ARID4B: variants seen among roughly 807,000 people sequenced by gnomAD.
ARID4B encodes AT-rich interactive domain-containing protein 4B.
ARID4B carries 26 observed loss-of-function variants against 147.5 expected under a neutral mutation model. The observed-to-expected ratio is 0.18, with a 90% CI of 0.13 to 0.24. The LOEUF (loss-of-function observed/expected upper bound fraction) is 0.24, where lower values mean the gene tolerates loss of function less well. Ranked by LOEUF, ARID4B falls within the 10% of genes least tolerant of loss-of-function variation. ARID4B has a pLI of 1.00. For synonymous variants in ARID4B, 512 were observed against 507.9 expected (o/e 1.01, Z -0.11); for missense variants, 1,179 against 1,511.5 (o/e 0.78, Z 3.65).
chr1:235,188,444 A>G (rs1030734481), intron 19 of ARID4B, among the ~76,000 whole-genome samples: 1 of 152,270 alleles, frequency 6.6e-6, no homozygotes, highest in Non-Finnish European at 1.5e-5. Context: ...GGTGAAGACT[A>G]AAAATTACTT....
At chr1:235,324,947 C>A (rs1164560825) in intron 2 of ARID4B, among the ~76,000 whole-genome samples, 6 of 152,108 alleles carry the variant, frequency 3.9e-5, no homozygotes, top group African/African-American at 1.4e-4. Flanking sequence ...ATTGGGAACA[C>A]ACAGAAAAAG....
At chr1:235,242,746 A>C (rs754812129) in intron 7 of ARID4B, among the ~76,000 whole-genome samples, 5 of 152,178 alleles carry the variant, frequency 3.3e-5, no homozygotes, top group Non-Finnish European at 5.9e-5. Flanking sequence ...TCAAAAAGAA[A>C]AACAAAACAC....
Position 235,229,371 on chromosome 1 carries a change from G to C in ARID4B, c.757C>G (p.Leu253Val). ...ATAGTTCTACTTTTGTGAAATTCAA[G>C]TGCCTGTTCAAAGGCTGGAAACAGA... ...AVLKQAFEQA[L>V]EFHKSRTIPA... is the part of the protein sequence containing the mutation. The change falls in exon 11 of 24, where the codon CTT (leucine) becomes GTT (valine). Residue 253 changes from leucine (L) to valine (V), a missense_variant. Transcript: ENST00000264183. The C allele has an allele frequency of 6.2e-7, 1 of 1,612,964 alleles. No homozygotes were observed. The highest frequency in any genetic ancestry group is 8.5e-7 in the Non-Finnish European group (1 of 1,179,428).
chr1:235,277,788 C>T lies in ARID4B; in HGVS notation c.7-17036G>A, dbSNP rs140824226. Among the ~76,000 whole-genome samples, 1,338 of 152,158 alleles carry T rather than the reference C, an allele frequency of 8.8e-3. 7 individuals carry two copies. Among genetic ancestry groups the T allele is most frequent in the Middle Eastern group, 0.02 (6 of 294 alleles). ...AGATTCTATTAGTTGCTGAGGATATCTATTCCAACTATTCACTTAGGACCA... is the reference window on the plus strand; with the variant it reads ...AGATTCTATTAGTTGCTGAGGATATTTATTCCAACTATTCACTTAGGACCA... On this transcript the variant is annotated intron_variant, in intron 2 of 23. Transcript: ENST00000264183.
chr1:235,234,554 C>G (rs1668443767), intron 8 of ARID4B, 62 bp from the exon 9 acceptor site: 3 of 1,128,576 alleles, frequency 2.7e-6, no homozygotes, highest in Non-Finnish European at 3.9e-6. Flanking sequence ...TAAGTACCCA[C>G]CATTTAAATC....
chr1:235,205,158 T>C (rs183788648), intron 17 of ARID4B, among the ~76,000 whole-genome samples: 1 of 152,272 alleles, frequency 6.6e-6, no homozygotes, highest in East Asian at 1.9e-4. Context: ...TTGTACTCTA[T>C]TTCAATATTC....
intron 2 of ARID4B, among the ~76,000 whole-genome samples, chr1:235,317,240 T>C (rs945404163): frequency 1.3e-5 from 2 of 152,232 alleles, no homozygotes; most frequent in African/African-American, 4.8e-5. Context: ...CAACTCTTCC[T>C]ATTAAATAGA....
At position 235,276,209 on chromosome 1, in the gene ARID4B, AT is replaced by A. The variant is rs1179767508; in HGVS notation, c.7-15458del. On this transcript the variant is annotated intron_variant, in intron 2 of 23. Coordinates refer to ENST00000264183, the MANE Select transcript of ARID4B (RefSeq NM_016374.6). ...ACGAAGCAAAAAAAAAAAAAAAAAG[AT>A]TTTTTTTTTGAAAAGCTATTTGAGG... Among the ~76,000 whole-genome samples, 191 of 146,312 alleles carry A rather than the reference AT, an allele frequency of 1.3e-3. 2 individuals carry two copies. Among genetic ancestry groups the A allele is most frequent in the African/African-American group, 4.6e-3 (181 of 39,442 alleles).
intron 11 of ARID4B, among the ~76,000 whole-genome samples, chr1:235,225,077 T>TG (rs1246364831): frequency 5.6e-4 from 82 of 147,082 alleles, no homozygotes; most frequent in African/African-American, 1.6e-3. Flanking sequence ...TGTTTTGTTT[T>TG]TTTTACCATA....
intron 19 of ARID4B, among the ~76,000 whole-genome samples, chr1:235,192,741 C>G (rs1665200594): frequency 6.6e-6 from 1 of 152,184 alleles, no homozygotes. Context: ...AATCTCTGCT[C>G]CAATCCTCAT....
intron 2 of ARID4B, 159 bp downstream of exon 2, chr1:235,326,755 C>T: frequency 2.4e-6 from 2 of 848,722 alleles, no homozygotes; most frequent in Non-Finnish European, 3.9e-6. Flanking sequence ...GCAAAGCCCG[C>T]CAGCTGACCC....
chr1:235,187,073 T>TA (rs746787428), intron 19 of ARID4B: 2 of 391,134 alleles, frequency 5.1e-6, no homozygotes, highest in East Asian at 7.9e-5. Flanking sequence ...CACTGCATCT[T>TA]ATTCTTTTTT....
intron 18 of ARID4B, among the ~76,000 whole-genome samples, chr1:235,194,671 G>T (rs975860062): frequency 1.3e-5 from 2 of 151,876 alleles, no homozygotes; most frequent in Non-Finnish European, 2.9e-5. Context: ...AAATACAAAA[G>T]TAGCCGGGGT....
chr1:235,172,127 T>C (rs1412460537), intron 23 of ARID4B, among the ~76,000 whole-genome samples: 1 of 152,200 alleles, frequency 6.6e-6, no homozygotes, highest in Non-Finnish European at 1.5e-5. Context: ...TCTATGAAAG[T>C]GAATATTATG....
At chr1:235,196,900 T>C (rs1230489038) in intron 17 of ARID4B, among the ~76,000 whole-genome samples, 2 of 140,492 alleles carry the variant, frequency 1.4e-5, no homozygotes, top group African/African-American at 2.8e-5. Context: ...CACCATATTG[T>C]AACGTATGGA....
At chr1:235,276,123 CAG>C (rs1671295715) in intron 2 of ARID4B, among the ~76,000 whole-genome samples, 2 of 133,224 alleles carry the variant, frequency 1.5e-5, no homozygotes, top group African/African-American at 5.7e-5. Context: ...AGGTGACAGA[CAG>C]AGACTTTCAA....
intron 17 of ARID4B, among the ~76,000 whole-genome samples, chr1:235,202,554 A>ATTT (rs139745212): frequency 1.4e-5 from 2 of 146,566 alleles, no homozygotes; most frequent in Admixed American, 6.9e-5. Flanking sequence ...TGAAAAAAAA[A>ATTT]TTTTTTTTTT....
chr1:235,199,360 G>C (rs1018173037), intron 17 of ARID4B, among the ~76,000 whole-genome samples: 1 of 151,738 alleles, frequency 6.6e-6, no homozygotes, highest in Non-Finnish European at 1.5e-5. Context: ...CTAAGTTTTT[G>C]CATTTTTTTT....
chr1:235,170,973 CT>C (rs909708843), intron 23 of ARID4B, among the ~76,000 whole-genome samples: 28 of 148,516 alleles, frequency 1.9e-4, no homozygotes, highest in South Asian at 1.1e-3. Context: ...CAGTGTCTGA[CT>C]TTTTTTTAAA....
Sources: gnomAD v4.1 joint callset for allele counts (sites outside exome capture counted in the v4.1 genomes callset) on GRCh38, gnomAD v4.1.1 for gene constraint, MANE v1.5 for transcripts, NCBI Gene and HGNC (gene_info 2026-07-23, HGNC 2026-07-21) for gene names.